UNC13C: variants seen among roughly 807,000 people sequenced by gnomAD.
The protein encoded by UNC13C is unc-13 homolog C, also known as protein unc-13 homolog C.
A neutral mutation model predicts 245.4 loss-of-function variants in UNC13C; 174 were observed. The observed-to-expected ratio is 0.71, with a 90% CI of 0.63 to 0.80. The LOEUF (loss-of-function observed/expected upper bound fraction) is 0.80. Ranked by LOEUF, UNC13C falls within the 30% of genes least tolerant of loss-of-function variation. The pLI is 0.00. For synonymous variants in UNC13C, 992 were observed against 895.1 expected, an observed-to-expected ratio of 1.11 and a Z score of -1.93; for missense variants, 2,829 against 2,602.9, an observed-to-expected ratio of 1.09 and a Z score of -1.89.
chr15:54,339,404 T>A (rs1349672287), intron 17 of UNC13C, among the ~76,000 whole-genome samples: 1 of 152,114 alleles, frequency 6.6e-6, no homozygotes, highest in African/African-American at 2.4e-5. Context: ...TGTAGTCTTT[T>A]TTCCCTCACA....
the UNC13C span, among the ~76,000 whole-genome samples, chr15:53,942,685 A>G: frequency 1.3e-5 from 2 of 151,998 alleles, no homozygotes; most frequent in Non-Finnish European, 2.9e-5. Flanking sequence ...TGTTTTTGAG[A>G]CAGAGTCTCA....
intron 4 of UNC13C, among the ~76,000 whole-genome samples, chr15:54,145,804 T>C (rs1243323865): frequency 3.3e-5 from 5 of 152,258 alleles, no homozygotes; most frequent in Non-Finnish European, 7.3e-5. Context: ...TTTGATTTGC[T>C]AACTCATGTC....
At chr15:54,143,166 C>T in intron 3 of UNC13C, 126 bp downstream of exon 3, 2 of 935,750 alleles carry the variant, frequency 2.1e-6, no homozygotes, top group Non-Finnish European at 3.3e-6. Flanking sequence ...TCCCAGCTTT[C>T]CATTATTTGG....
chr15:53,922,074 T>C, the UNC13C span, among the ~76,000 whole-genome samples: 1 of 152,204 alleles, frequency 6.6e-6, no homozygotes, highest in African/African-American at 2.4e-5. Context: ...AGCATAAGCA[T>C]GTGTTTATTT....
chr15:54,573,535 A>G (rs1176638210), intron 30 of UNC13C, among the ~76,000 whole-genome samples: 2 of 152,216 alleles, frequency 1.3e-5, no homozygotes, highest in Non-Finnish European at 2.9e-5. Context: ...TTAAAACACC[A>G]TCTTATTCTG....
intron 4 of UNC13C, among the ~76,000 whole-genome samples, chr15:54,175,508 A>ATTT (rs55925649): frequency 0.039 from 4,155 of 105,918 alleles, 213 homozygotes; most frequent in African/African-American, 0.075. Context: ...TGGCCCTAGA[A>ATTT]TTTTTTTTTT....
rs988077176 is a variant in UNC13C at position 54,422,706 on chromosome 15, G to A, written c.4933+7639G>A. Among the ~76,000 whole-genome samples, 20 of 151,738 alleles carry A rather than the reference G, an allele frequency of 1.3e-4. No individual in the cohort carries two copies. The East Asian group carries it at 3.9e-3, about 30-fold the overall frequency. Reference sequence around the variant, plus strand: ...TAGAGGGCTCCTTTCCATTCTTCAAGTCTCATTTCATGGTCACCTTCGTTC... The same window carrying A: ...TAGAGGGCTCCTTTCCATTCTTCAAATCTCATTTCATGGTCACCTTCGTTC... On this transcript the variant is annotated intron_variant, in intron 19 of 32. Transcript: ENST00000260323.
At chr15:54,284,705 G>T (rs1194811243) in intron 10 of UNC13C, among the ~76,000 whole-genome samples, 1 of 152,092 alleles carries the variant, frequency 6.6e-6, no homozygotes, top group Non-Finnish European at 1.5e-5. Flanking sequence ...CTCTTCTTAA[G>T]TGGTCTCTCT....
chr15:54,008,823 A>G (rs1338315215), intron 1 of UNC13C, among the ~76,000 whole-genome samples: 3 of 152,176 alleles, frequency 2.0e-5, no homozygotes, highest in African/African-American at 7.2e-5. Context: ...AGACTCCAGG[A>G]CTAGGACCAA....
chr15:54,177,588 C>G (rs28557452), intron 4 of UNC13C, among the ~76,000 whole-genome samples: 12,683 of 152,114 alleles, frequency 0.083, 737 homozygotes, highest in African/African-American at 0.16. Flanking sequence ...TTATTTTTCT[C>G]TTTGCTTCTT....
At position 54,296,626 on chromosome 15, in the gene UNC13C, G is replaced by A. The variant is rs143638015; in HGVS notation, c.3989-1185G>A. Among the ~76,000 whole-genome samples the A allele has an allele frequency of 4.6e-5, 7 of 152,194 alleles. No homozygotes were observed. In the East Asian group the frequency reaches 9.7e-4, roughly 21 times the overall value. On this transcript the variant is annotated intron_variant, in intron 11 of 32. Transcript: ENST00000260323. ...GAAGAATCTTTGCAACACAAATGAC[G>A]ATTAAAGAATAACAGTGAAAAGTCA...
chr15:54,444,852 C>T (rs1482899390), intron 19 of UNC13C, among the ~76,000 whole-genome samples: 2 of 151,702 alleles, frequency 1.3e-5, no homozygotes, highest in Non-Finnish European at 2.9e-5. Context: ...TTCTAGGGTA[C>T]ATATGTACAA....
chr15:53,988,693 A>G (rs1442856278), intron 1 of UNC13C, among the ~76,000 whole-genome samples: 2 of 151,962 alleles, frequency 1.3e-5, no homozygotes, highest in Non-Finnish European at 1.5e-5. Flanking sequence ...GGGCAGGGCT[A>G]TTGTTGGGTC....
intron 7 of UNC13C, among the ~76,000 whole-genome samples, chr15:54,241,673 A>T (rs141235491): frequency 6.6e-6 from 1 of 152,266 alleles, no homozygotes; most frequent in African/African-American, 2.4e-5. Context: ...GAAATAGCTT[A>T]TGTAGAAAGC....
rs547840467 is a variant in UNC13C at position 54,523,862 on chromosome 15, A to T, written c.5458-1687A>T. ...GGAAGTGGAGAGCCTGAAGAAAGCCACATGGCAGAACTTATCTCTCATTCC... is the reference window on the plus strand; with the variant it reads ...GGAAGTGGAGAGCCTGAAGAAAGCCTCATGGCAGAACTTATCTCTCATTCC... On this transcript the variant is annotated intron_variant, in intron 24 of 32. Transcript: ENST00000260323. Among the ~76,000 whole-genome samples, 8 of 152,342 alleles carry T rather than the reference A, an allele frequency of 5.3e-5. 1 individual carries two copies. The highest frequency in any genetic ancestry group is 2.6e-4 in the Admixed American group (4 of 15,302).
At chr15:53,879,853 T>A in the UNC13C span, among the ~76,000 whole-genome samples, 3 of 152,126 alleles carry the variant, frequency 2.0e-5, no homozygotes, top group Non-Finnish European at 2.9e-5. Flanking sequence ...ATTCTCTTTT[T>A]AAAACTGGAA....
At chr15:54,362,973 C>T (rs557951968) in intron 17 of UNC13C, among the ~76,000 whole-genome samples, 52 of 152,106 alleles carry the variant, frequency 3.4e-4, no homozygotes, top group African/African-American at 1.2e-3. Flanking sequence ...GGACAAAAGG[C>T]CAGAGAGAAT....
At chr15:54,596,207 T>G (rs967978988) in intron 30 of UNC13C, among the ~76,000 whole-genome samples, 1 of 152,208 alleles carries the variant, frequency 6.6e-6, no homozygotes, top group Non-Finnish European at 1.5e-5. Context: ...AAGTTGTATT[T>G]TTTTCATGGC....
rs550244322 is a variant in UNC13C, at chr15:54,305,426, A to T, written c.4268+5053A>T. On this transcript the variant is annotated intron_variant, in intron 13 of 32. Coordinates refer to ENST00000260323, the MANE Select transcript of UNC13C (RefSeq NM_001080534.3). ...AATACAGCTTTCAGAGATAGTTTCC[A>T]CCATACTTTTAAAATGATGCTTTTG... Among the ~76,000 whole-genome samples, 7 of 152,212 alleles carry T rather than the reference A, an allele frequency of 4.6e-5. No individual in the cohort carries two copies. In the South Asian group the frequency reaches 1.4e-3, roughly 32 times the overall value.
Sources: gnomAD v4.1 joint callset for allele counts (sites outside exome capture counted in the v4.1 genomes callset) on GRCh38, gnomAD v4.1.1 for gene constraint, MANE v1.5 for transcripts, NCBI Gene and HGNC (gene_info 2026-07-23, HGNC 2026-07-21) for gene names.